CATSPERE: variants seen among roughly 807,000 people sequenced by gnomAD.
CATSPERE encodes catsper channel auxiliary subunit epsilon.
A neutral mutation model predicts 114.1 loss-of-function variants in CATSPERE; 93 were observed. The observed-to-expected ratio is 0.81, with a 90% confidence interval of 0.69 to 0.97. The LOEUF (loss-of-function observed/expected upper bound fraction) is 0.97. Ranked by LOEUF, CATSPERE falls within the 50% of genes least tolerant of loss-of-function variation. The probability of loss-of-function intolerance (pLI) is 0.00; values close to 1 mark genes in which losing one functional copy is unlikely to be tolerated. For synonymous variants in CATSPERE, 341 were observed against 384.1 expected (o/e 0.89, Z 1.31); for missense variants, 1,058 against 1,131.6 (o/e 0.93, Z 0.93).
At chr1:244,490,377 G>C (rs1056416368) in intron 5 of CATSPERE, 70 bp from the exon 6 acceptor site, 14 of 1,029,942 alleles carry the variant, frequency 1.4e-5, no homozygotes, top group Non-Finnish European at 1.9e-5. Context: ...CATGTATCTT[G>C]AAAGTAGAAT....
intron 20 of CATSPERE, among the ~76,000 whole-genome samples, chr1:244,623,970 CT>C (rs1012527317): frequency 3.3e-5 from 5 of 150,416 alleles, no homozygotes; most frequent in Admixed American, 6.6e-5. Context: ...GTGGCAGTTT[CT>C]TTTTTTTTGA....
chr1:244,489,550 C>T (rs1217137488), intron 5 of CATSPERE, among the ~76,000 whole-genome samples: 1 of 134,794 alleles, frequency 7.4e-6, no homozygotes, highest in Non-Finnish European at 1.5e-5. Context: ...TCTCAAAAAG[C>T]CATCTCAAAT....
intron 20 of CATSPERE, among the ~76,000 whole-genome samples, chr1:244,622,025 G>C (rs1672461596): frequency 1.3e-5 from 2 of 152,194 alleles, no homozygotes; most frequent in African/African-American, 4.8e-5. Flanking sequence ...ACAAACTGAA[G>C]TCTCACAGTT....
intron 20 of CATSPERE, among the ~76,000 whole-genome samples, chr1:244,625,406 T>TAATATATATATA (rs74162779): frequency 3.9e-4 from 5 of 12,882 alleles, no homozygotes; most frequent in African/African-American, 1.5e-3. Flanking sequence ...TTATTATTAT[T>TAATATATATATA]TATATATATA....
In CATSPERE at chr1:244,552,695, G is replaced by A; in HGVS notation, c.910G>A (p.Val304Ile). Residue 304 changes from valine (V) to isoleucine (I), a missense_variant, in exon 9 of 22, where the codon GTT (valine) becomes ATT (isoleucine). By Grantham distance (29) the Val-to-Ile change is conservative. This residue lies in a region of CATSPERE where 787 missense variants were observed against 905.6 expected (regional missense o/e 0.87). Transcript: ENST00000366534. The part of the protein sequence containing the change: ...RDGIVFLING[V>I]LYIKSFRGFI... ...TGGAATCGTTTTTCTTATAAATGGT[G>A]TTCTTTACATAAAGAGTTTTCGTGG... The A allele has an allele frequency of 6.2e-7, 1 of 1,614,070 alleles. No individual in the cohort carries two copies. Among genetic ancestry groups the A allele is most frequent in the Non-Finnish European group, 8.5e-7 (1 of 1,179,996 alleles).
At chr1:244,537,826 C>T (rs1216394561) in intron 8 of CATSPERE, among the ~76,000 whole-genome samples, 1 of 152,096 alleles carries the variant, frequency 6.6e-6, no homozygotes, top group East Asian at 1.9e-4. Context: ...TATGTATTCT[C>T]CTGTTGTTGG....
At chr1:244,452,071 C>T (rs1572156999), upstream of CATSPERE, 3 of 328,612 alleles carry the variant, frequency 9.1e-6, no homozygotes, top group Non-Finnish European at 1.6e-5. Flanking sequence ...GCCCTGGTGG[C>T]GGCAACGGCC....
chr1:244,513,287 C>A (rs1676061091), intron 7 of CATSPERE, among the ~76,000 whole-genome samples: 1 of 152,098 alleles, frequency 6.6e-6, no homozygotes, highest in Non-Finnish European at 1.5e-5. Context: ...GTGCCAGTGG[C>A]AGGTTGGGCA....
intron 8 of CATSPERE, among the ~76,000 whole-genome samples, chr1:244,535,216 T>C (rs3123464): frequency 6.6e-6 from 1 of 151,916 alleles, no homozygotes; most frequent in Non-Finnish European, 1.5e-5. Context: ...CAGACCTGAA[T>C]CTTGCATAGC....
At chr1:244,553,100 CCAAA>C (rs1256953194) in intron 9 of CATSPERE, among the ~76,000 whole-genome samples, 5 of 152,042 alleles carry the variant, frequency 3.3e-5, no homozygotes, top group Admixed American at 6.6e-5. Flanking sequence ...ATTATTTTCC[CCAAA>C]CAAAGATTAT....
intron 1 of CATSPERE, among the ~76,000 whole-genome samples, chr1:244,463,445 C>T (rs1295989521): frequency 6.6e-6 from 1 of 151,774 alleles, no homozygotes; most frequent in African/African-American, 2.4e-5. Flanking sequence ...GAGGCTGAGG[C>T]GAGAGGATCA....
rs1302299640 is a variant in CATSPERE, at chr1:244,479,761, C to G, written c.303C>G (p.Cys101Trp). 6.3e-7 allele frequency: 1 copy of G among 1,597,118 alleles called. No individual in the cohort carries two copies. ...TATTTGTGGAAAGTTCTCATACTTGCTTTCTGTGGTACTATAGAGTTAGGT... is the reference window on the plus strand; with the variant it reads ...TATTTGTGGAAAGTTCTCATACTTGGTTTCTGTGGTACTATAGAGTTAGGT... ...RYLFVESSHTCFLWYYRVRHF... is the reference protein window; with the variant it reads ...RYLFVESSHTWFLWYYRVRHF... Residue 101 changes from cysteine to tryptophan, a missense_variant, in exon 5 of 22, where the codon TGC becomes TGG. By Grantham distance (215) the Cys-to-Trp change is radical. Coordinates refer to ENST00000366534, the MANE Select transcript of CATSPERE (RefSeq NM_001130957.2).
rs566841487 is a variant in CATSPERE, at chr1:244,507,397, A to G, written c.429+8318A>G. Among the ~76,000 whole-genome samples, 21 of 152,326 alleles carry G rather than the reference A, an allele frequency of 1.4e-4. No individual in the cohort carries two copies. The South Asian group carries it at 3.7e-3, about 27-fold the overall frequency. ...AACAGCATATGAGGTTACCTATCAG[A>G]TGAATAGTTTGCAAGTATTTTCTCC... On this transcript the variant is annotated intron_variant, in intron 7 of 21. Coordinates refer to ENST00000366534, the MANE Select transcript of CATSPERE (RefSeq NM_001130957.2).
rs545466323 is a variant in CATSPERE at position 244,618,982 on chromosome 1, G to A, written c.2648+1296G>A. Among the ~76,000 whole-genome samples the A allele has an allele frequency of 5.1e-4, 77 of 152,284 alleles. 1 individual carries two copies. The highest frequency in any genetic ancestry group is 1.8e-3 in the African/African-American group (75 of 41,552). On this transcript the variant is annotated intron_variant, in intron 20 of 21. Transcript: ENST00000366534. The stretch of plus-strand genomic sequence containing the variant: ...ATATAGTTTCATGTTTTCTAGGCCA[G>A]GTGATTAAAATAGTGGCATTTCCTT...
At chr1:244,581,196 G>T (rs1473447542) in intron 11 of CATSPERE, among the ~76,000 whole-genome samples, 2 of 151,914 alleles carry the variant, frequency 1.3e-5, no homozygotes, top group African/African-American at 4.8e-5. Flanking sequence ...TCTTGCTTTT[G>T]TCTTTGAATA....
intron 5 of CATSPERE, among the ~76,000 whole-genome samples, chr1:244,486,032 G>T (rs1377915825): frequency 6.6e-6 from 1 of 152,050 alleles, no homozygotes; most frequent in Non-Finnish European, 1.5e-5. Context: ...AGAGGTAATT[G>T]CTATACTCTT....
At chr1:244,627,124 C>T (rs2813907) in intron 20 of CATSPERE, among the ~76,000 whole-genome samples, 119,132 of 152,038 alleles carry the variant, frequency 0.78, 47,463 homozygotes, top group East Asian at 0.87. Context: ...TCAATATTGC[C>T]GTGTCTCAGG....
chr1:244,464,069 C>T (rs1462859189), intron 2 of CATSPERE, 113 bp downstream of exon 2: 12 of 788,468 alleles, frequency 1.5e-5, no homozygotes, highest in South Asian at 3.3e-5. Context: ...TCTTCTGTTT[C>T]GTTTCTTTCA....
chr1:244,547,294 C>T (rs1481252429), intron 8 of CATSPERE, among the ~76,000 whole-genome samples: 1 of 152,080 alleles, frequency 6.6e-6, no homozygotes, highest in Non-Finnish European at 1.5e-5. Flanking sequence ...GAGTTTATCA[C>T]CACTAGACCT....
Sources: allele counts gnomAD v4.1 joint callset (sites outside exome capture counted in the v4.1 genomes callset), GRCh38; gene constraint gnomAD v4.1.1; regional missense constraint gnomAD v4.1.1; transcripts MANE v1.5; gene names NCBI Gene and HGNC (gene_info 2026-07-23, HGNC 2026-07-21).